Variants in WDR72 observed in about 807,000 individuals in gnomAD.
WDR72 encodes the protein WD repeat-containing protein 72.
WDR72 carries 120 observed loss-of-function variants against 124.2 expected under a neutral mutation model. The ratio of observed to expected loss-of-function variants is 0.97; its 90% CI spans 0.83 to 1.12. The LOEUF (loss-of-function observed/expected upper bound fraction) is 1.12, where lower values mean the gene tolerates loss of function less well. Among genes scored for constraint, WDR72 ranks in the 50% most tolerant of loss-of-function variants. The pLI is 0.00. For synonymous variants in WDR72, 452 were observed against 441.7 expected (o/e 1.02, Z -0.29); for missense variants, 1,387 against 1,278.8 (o/e 1.08, Z -1.29).
chr15:53,631,863 G>A (rs930695493), intron 14 of WDR72, among the ~76,000 whole-genome samples: 1 of 152,142 alleles, frequency 6.6e-6, no homozygotes, highest in African/African-American at 2.4e-5. Flanking sequence ...GCTTCTAAAA[G>A]CCTATCTCAT....
intron 17 of WDR72, among the ~76,000 whole-genome samples, chr15:53,605,369 C>G (rs908209280): frequency 3.3e-5 from 5 of 152,140 alleles, no homozygotes; most frequent in Admixed American, 1.3e-4. Context: ...GAGAGAGGAT[C>G]AGGAAAAACT....
At chr15:53,636,603 T>G (rs549733006) in intron 14 of WDR72, among the ~76,000 whole-genome samples, 2 of 152,322 alleles carry the variant, frequency 1.3e-5, no homozygotes, top group African/African-American at 4.8e-5. Context: ...CAACTGTCTA[T>G]TCTTCATTAG....
intron 17 of WDR72, among the ~76,000 whole-genome samples, chr15:53,600,138 C>T (rs1052912834): frequency 6.6e-6 from 1 of 152,028 alleles, no homozygotes; most frequent in Admixed American, 6.6e-5. Context: ...ATAGAATGGG[C>T]ACTACATAAA....
chr15:53,740,336 C>G (rs1408852543), intron 1 of WDR72, among the ~76,000 whole-genome samples: 2 of 144,560 alleles, frequency 1.4e-5, no homozygotes, highest in African/African-American at 5.2e-5. Context: ...GAGACGGAGT[C>G]TCTCTCTGTC....
At chr15:53,734,451 A>G (rs2018291788) in intron 1 of WDR72, among the ~76,000 whole-genome samples, 1 of 152,176 alleles carries the variant, frequency 6.6e-6, no homozygotes, top group African/African-American at 2.4e-5. Flanking sequence ...TTTCAATAAT[A>G]CTGTAACCAG....
chr15:53,643,915 CTA>C (rs920869938), intron 14 of WDR72, among the ~76,000 whole-genome samples: 1 of 152,104 alleles, frequency 6.6e-6, no homozygotes, highest in African/African-American at 2.4e-5. Context: ...GTACAAAAGA[CTA>C]TTTTATCCAT....
At chr15:53,538,429 C>A (rs1892877609) in intron 18 of WDR72, among the ~76,000 whole-genome samples, 1 of 152,166 alleles carries the variant, frequency 6.6e-6, no homozygotes, top group Admixed American at 6.5e-5. Flanking sequence ...AAGCTCAGCT[C>A]CGTCAATGGC....
chr15:53,649,597 CTAA>C (rs1186057983), intron 14 of WDR72, among the ~76,000 whole-genome samples: 1 of 151,780 alleles, frequency 6.6e-6, no homozygotes, highest in Non-Finnish European at 1.5e-5. Flanking sequence ...GCAAAAAACC[CTAA>C]TAATAAAAAA....
chr15:53,706,095 T>A, intron 9 of WDR72, 21 bp from the exon 10 acceptor site: 1 of 1,613,540 alleles, frequency 6.2e-7, no homozygotes, highest in Non-Finnish European at 8.5e-7. Flanking sequence ...AGTGAGCTTT[T>A]ATGTAGGAAA....
intron 3 of WDR72, among the ~76,000 whole-genome samples, chr15:53,719,765 C>T (rs1201924624): frequency 2.6e-5 from 4 of 152,128 alleles, no homozygotes; most frequent in East Asian, 1.9e-4. Context: ...TCTGTATTTT[C>T]GGTAGTGGGG....
rs903571338 is a variant in WDR72, at chr15:53,647,462, A to T, written c.1962+18110T>A. Among the ~76,000 whole-genome samples the T allele has an allele frequency of 9.2e-5, 14 of 152,254 alleles. 1 individual carries two copies. The highest frequency in any genetic ancestry group is 7.9e-4 in the Admixed American group (12 of 15,274). On this transcript the variant is annotated intron_variant, in intron 14 of 19. Coordinates refer to ENST00000360509, the MANE Select transcript of WDR72 (RefSeq NM_182758.4). ...GAGATCCTTAACTTCCTGAAGCAGG[A>T]ATCTAAAGAGAAACCACACTTTTCC...
In WDR72 at chr15:53,650,336, G is replaced by C. The variant is rs565507045; in HGVS notation, c.1962+15236C>G. 1.1e-4 allele frequency among the ~76,000 whole-genome samples: 16 copies of C among 152,258 alleles called. No homozygotes were observed. In the South Asian group the frequency reaches 3.1e-3, roughly 30 times the overall value. ...AGCCCAGTAAAATTAGTAAGCTATA[G>C]AGATCTGCTGTACAACACTGTACCT... On this transcript the variant is annotated intron_variant, in intron 14 of 19. Transcript: ENST00000360509.
intron 17 of WDR72, 129 bp from the exon 18 acceptor site, chr15:53,597,403 A>G: frequency 1.1e-6 from 1 of 871,680 alleles, no homozygotes; most frequent in Non-Finnish European, 1.7e-6. Context: ...TCATACTTCT[A>G]GAATTAGCAT....
intron 1 of WDR72, among the ~76,000 whole-genome samples, chr15:53,749,091 G>C (rs910444003): frequency 6.6e-6 from 1 of 152,164 alleles, no homozygotes; most frequent in African/African-American, 2.4e-5. Context: ...AGCACAATTA[G>C]AGCTCGAAGC....
intron 18 of WDR72, among the ~76,000 whole-genome samples, chr15:53,529,572 T>C (rs1271308607): frequency 6.6e-6 from 1 of 152,016 alleles, no homozygotes; most frequent in Non-Finnish European, 1.5e-5. Flanking sequence ...AGATTGGCAT[T>C]TTCCTAAAAG....
chr15:53,700,214 T>C (rs1037285285), intron 12 of WDR72, among the ~76,000 whole-genome samples: 1 of 152,164 alleles, frequency 6.6e-6, no homozygotes. Context: ...GACTTGACCA[T>C]CACTCAGCAA....
intron 19 of WDR72, 122 bp downstream of exon 19, chr15:53,523,096 G>T: frequency 1.1e-6 from 1 of 899,908 alleles, no homozygotes; most frequent in Non-Finnish European, 1.8e-6. Context: ...CCATTAATTT[G>T]ACAGTGCAGC....
At chr15:53,612,276 C>T (rs1292842116) in intron 16 of WDR72, among the ~76,000 whole-genome samples, 1 of 152,056 alleles carries the variant, frequency 6.6e-6, no homozygotes, top group Non-Finnish European at 1.5e-5. Context: ...AAAACTGTCA[C>T]AAAAATATAA....
chr15:53,577,741 T>G (rs912334395), intron 18 of WDR72, among the ~76,000 whole-genome samples: 3 of 152,156 alleles, frequency 2.0e-5, no homozygotes, highest in African/African-American at 7.2e-5. Flanking sequence ...GAGGTTTGTT[T>G]CAGAGTGTTT....
Sources: gnomAD v4.1 joint callset for allele counts (sites outside exome capture counted in the v4.1 genomes callset) on GRCh38, gnomAD v4.1.1 for gene constraint, MANE v1.5 for transcripts, NCBI Gene and HGNC (gene_info 2026-07-23, HGNC 2026-07-21) for gene names.